Variants in KIFC3 observed in about 807,000 individuals in gnomAD.
KIFC3 encodes kinesin family member C3.
In KIFC3, 60 loss-of-function variants were observed where a neutral mutation model predicts 101.8. That is an observed-to-expected ratio of 0.59 (90% CI 0.48 to 0.73). The LOEUF is 0.73. KIFC3 is among the 30% of genes least tolerant of loss of function. The pLI is 0.00. For missense variants in KIFC3, 966 were observed against 1,137.1 expected, an observed-to-expected ratio of 0.85 and a Z score of 2.16; for synonymous variants, 476 against 482.7, an observed-to-expected ratio of 0.99 and a Z score of 0.18.
At position 57,769,696 on chromosome 16, in the gene KIFC3, G is replaced by A. The variant is rs781783617; in HGVS notation, c.1117C>T (p.Pro373Ser). The change falls in exon 9 of 20, where the codon CCG becomes TCG. Residue 373 changes from proline (P) to serine (S), a missense_variant. Physicochemically the swap from Pro to Ser is moderately conservative, Grantham distance 74. Around this residue, in one of 2 missense-constraint regions of KIFC3, gnomAD observed 689 missense variants for 884.6 expected, o/e 0.78. Coordinates refer to ENST00000445690, the MANE Select transcript of KIFC3 (RefSeq NM_001130100.2). This position sits in a 1 kb window ranked among gnomAD's most constrained non-coding sequence, Gnocchi z 4.3. The stretch of plus-strand genomic sequence containing the variant: ...TCGTTGGTGAGGGTCCGCAGTGCCG[G>A]CTGCAAGGTCAGCAAGTTGGTCCGG... ...GVRTNLLTLQ[P>S]ALRTLTNDYN... 1 of 1,612,820 alleles carries A rather than the reference G, an allele frequency of 6.2e-7. No homozygotes were observed. Among genetic ancestry groups the A allele is most frequent in the Non-Finnish European group, 8.5e-7 (1 of 1,179,990 alleles).
At chr16:57,809,965 C>A (rs1393133979) in intron 1 of KIFC3, among the ~76,000 whole-genome samples, 1 of 152,100 alleles carries the variant, frequency 6.6e-6, no homozygotes, top group Non-Finnish European at 1.5e-5. Context: ...CTGGGCCAGG[C>A]CAGGTGGGGC....
intron 1 of KIFC3, among the ~76,000 whole-genome samples, chr16:57,840,494 C>T (rs1475705782): frequency 1.3e-5 from 2 of 152,052 alleles, no homozygotes; most frequent in South Asian, 2.1e-4. Context: ...AGCACGGTGG[C>T]TCATGCCTGT....
chr16:57,835,448 C>T (rs1482181960), intron 1 of KIFC3, among the ~76,000 whole-genome samples: 1 of 152,116 alleles, frequency 6.6e-6, no homozygotes, highest in African/African-American at 2.4e-5. Context: ...TGTGGATTTC[C>T]TGTAGTGACC....
chr16:57,803,992 G>A (rs1430885810), upstream of KIFC3, among the ~76,000 whole-genome samples: 1 of 152,160 alleles, frequency 6.6e-6, no homozygotes, highest in African/African-American at 2.4e-5. Context: ...GATGGGGCGG[G>A]GGATGGGGAG....
chr16:57,847,266 G>GGAAA (rs2055948532), intron 1 of KIFC3, among the ~76,000 whole-genome samples: 2 of 72,376 alleles, frequency 2.8e-5, no homozygotes, highest in Non-Finnish European at 4.8e-5. Flanking sequence ...AAGGAAGGAA[G>GGAAA]GAAGGGAAGG....
At chr16:57,805,865 G>T (rs984601233), upstream of KIFC3, among the ~76,000 whole-genome samples, 6 of 151,828 alleles carry the variant, frequency 4.0e-5, no homozygotes, top group Non-Finnish European at 7.4e-5. Flanking sequence ...TAGTAGAGAC[G>T]GTGTTTTGCC....
At position 57,760,824 on chromosome 16, in the gene KIFC3, G is replaced by A. The variant is rs782601230; in HGVS notation, c.2134C>T (p.Arg712Cys). ...SALGDVIAAL[R>C]SRQGHVPFRN... ...AAGGGCACGTGGCCCTGGCGGGAGC[G>A]CAGGGCAGCAATGACGTCCCCCAGA... The change falls in exon 16 of 20, where the codon CGC becomes TGC. Residue 712 changes from arginine (R) to cysteine (C), a missense_variant. Coordinates refer to ENST00000445690, the MANE Select transcript of KIFC3 (RefSeq NM_001130100.2). 7 of 1,613,284 alleles carry A rather than the reference G, an allele frequency of 4.3e-6. No individual in the cohort carries two copies. Among genetic ancestry groups the A allele is most frequent in the South Asian group, 1.1e-5 (1 of 91,090 alleles).
intron 1 of KIFC3, among the ~76,000 whole-genome samples, chr16:57,855,967 A>C (rs534154432): frequency 6.3e-4 from 95 of 151,354 alleles, no homozygotes; most frequent in Admixed American, 6.0e-4. Flanking sequence ...AAAACCAAAA[A>C]CAAAAACAAA....
chr16:57,771,199 T>C lies in KIFC3; in HGVS notation c.764A>G (p.Lys255Arg), dbSNP rs781974393. 2 of 1,612,296 alleles carry C rather than the reference T, an allele frequency of 1.2e-6. No individual in the cohort carries two copies. The highest frequency in any genetic ancestry group is 2.2e-5 in the South Asian group (2 of 91,010). The change falls in exon 6 of 20, where the codon AAG becomes AGG. Residue 255 changes from lysine (K) to arginine (R), a missense_variant and splice_region_variant. Lys to Arg is a conservative substitution (Grantham distance 26, BLOSUM62 2). Coordinates refer to ENST00000445690, the MANE Select transcript of KIFC3 (RefSeq NM_001130100.2). The stretch of plus-strand genomic sequence containing the variant: ...CAGATCAGGTGGGCCAGGGCTCACC[T>C]TGACAGGTGGGGACTGGGCCCGCAG... ...ASLRAQSPPV[K>R]YVIKTVEVES... is the part of the protein sequence containing the mutation.
intron 2 of KIFC3, 160 bp downstream of exon 2, chr16:57,797,912 C>T (rs782454973): frequency 2.1e-5 from 31 of 1,493,926 alleles, no homozygotes; most frequent in Non-Finnish European, 2.8e-5. Flanking sequence ...GCGAGACTGA[C>T]GCTCCGGCTC....
Position 57,758,648 on chromosome 16 carries a change from CG to C in KIFC3, c.*285del. On this transcript the variant is annotated 3_prime_UTR_variant, in exon 20 of 20. Transcript: ENST00000445690. ...CCCGCCCTCCTCACGGGGCCCAGTT[CG>C]CTGATGGCCCAGGCCTGCCAGGAAG... 5.7e-6 allele frequency: 4 copies of C among 701,982 alleles called. No homozygotes were observed. Among genetic ancestry groups the C allele is most frequent in the Non-Finnish European group, 1.0e-5 (4 of 385,662 alleles). 43.5% of individuals were successfully genotyped at this position (701,982 alleles called of 1,614,324 possible).
intron 1 of KIFC3, among the ~76,000 whole-genome samples, chr16:57,831,311 C>A (rs2055576041): frequency 6.6e-6 from 1 of 152,218 alleles, no homozygotes; most frequent in Non-Finnish European, 1.5e-5. Context: ...CCAATAATAG[C>A]AACTCCCACC....
chr16:57,833,501 T>C (rs2149299305), intron 1 of KIFC3, among the ~76,000 whole-genome samples: 1 of 152,272 alleles, frequency 6.6e-6, no homozygotes, highest in East Asian at 1.9e-4. Flanking sequence ...CATTGAGGCA[T>C]CTGGGCAGGG....
At chr16:57,843,975 G>T (rs1019060730) in intron 1 of KIFC3, among the ~76,000 whole-genome samples, 1 of 151,796 alleles carries the variant, frequency 6.6e-6, no homozygotes, top group African/African-American at 2.4e-5. Flanking sequence ...GGGCATGGTG[G>T]TGCACGCCTG....
At chr16:57,797,311 T>C (rs996822260) in intron 2 of KIFC3, among the ~76,000 whole-genome samples, 1 of 152,168 alleles carries the variant, frequency 6.6e-6, no homozygotes, top group Middle Eastern at 3.2e-3. Context: ...GCACCTTGCC[T>C]GGAGAGCCCT....
intron 3 of KIFC3, chr16:57,776,222 G>C (rs1008735803): frequency 1.0e-6 from 1 of 985,518 alleles, no homozygotes; most frequent in Non-Finnish European, 1.2e-6. Flanking sequence ...AGGCCAGAGG[G>C]TCTGGGATCC....
chr16:57,802,432 C>G lies in KIFC3; in HGVS notation c.-102G>C. ...GCCCGGGGCTCGGCCCGGCCCGGCC[C>G]GCCGGCAGGAGGCAGCTCCACGCCG... is the stretch of plus-strand genomic sequence containing the variant. On this transcript the variant is annotated 5_prime_UTR_variant, in exon 1 of 20. Transcript: ENST00000445690. This position sits in a 1 kb window ranked among gnomAD's most constrained non-coding sequence, Gnocchi z 5.0. 1 of 983,096 alleles carries G rather than the reference C, an allele frequency of 1.0e-6. No individual in the cohort carries two copies. The highest frequency in any genetic ancestry group is 1.2e-6 in the Non-Finnish European group (1 of 828,998). 60.9% of individuals were successfully genotyped at this position (983,096 alleles called of 1,614,324 possible). A position where few individuals can be genotyped will look rare whatever the true frequency, so the allele number is the denominator to read the frequency against.
intron 1 of KIFC3, among the ~76,000 whole-genome samples, chr16:57,825,118 T>C (rs2055431563): frequency 6.6e-6 from 1 of 152,198 alleles, no homozygotes; most frequent in Non-Finnish European, 1.5e-5. Context: ...AGCAGGTAGA[T>C]TGCCCAGCCC....
chr16:57,770,530 C>A lies in KIFC3; in HGVS notation c.936G>T (p.Ala312=). 2.8e-6 allele frequency: 4 copies of A among 1,429,832 alleles called. No homozygotes were observed. The highest frequency in any genetic ancestry group is 3.7e-6 in the Non-Finnish European group (4 of 1,091,150). The allele number at this position is 1,429,832 out of a possible 1,614,324, so 88.6% of individuals were successfully genotyped here. Residue 312 remains alanine (A), a synonymous_variant, in exon 7 of 20, where the codon GCG becomes GCT. Coordinates refer to ENST00000445690, the MANE Select transcript of KIFC3 (RefSeq NM_001130100.2). The part of the protein sequence containing the change: ...SSHQLTARLR[A]QIAMYESELE... The stretch of plus-strand genomic sequence containing the variant: ...TGCCCCCACACAGCCTGGGTACCTG[C>A]GCCCGGAGCCGCGCGGTCAGCTGGT...
Sources: gnomAD v4.1 joint callset for allele counts (sites outside exome capture counted in the v4.1 genomes callset) on GRCh38, gnomAD v4.1.1 for gene constraint, gnomAD v4.1.1 regional missense constraint, Gnocchi (gnomAD v3.1) non-coding constraint, MANE v1.5 for transcripts, NCBI Gene and HGNC (gene_info 2026-07-23, HGNC 2026-07-21) for gene names.